ANKRD17: variants seen among roughly 807,000 people sequenced by gnomAD.
The protein encoded by ANKRD17 is ankyrin repeat domain 17.
ANKRD17 carries 19 observed loss-of-function variants against 229.7 expected under a neutral mutation model. The observed-to-expected ratio is 0.08, with a 90% CI of 0.06 to 0.12. ANKRD17 has a LOEUF of 0.12. Ranked by LOEUF, ANKRD17 falls within the 10% of genes least tolerant of loss-of-function variation. The pLI, the probability that ANKRD17 is intolerant of heterozygous loss-of-function variation, is 1.00. For synonymous variants in ANKRD17, 1,112 were observed against 1,146.1 expected, an observed-to-expected ratio of 0.97 and a Z score of 0.60; for missense variants, 2,176 against 3,176.8, an observed-to-expected ratio of 0.68 and a Z score of 7.57.
intron 14 of ANKRD17, among the ~76,000 whole-genome samples, chr4:73,141,194 T>C (rs780605919): frequency 4.6e-5 from 7 of 152,312 alleles, no homozygotes; most frequent in Non-Finnish European, 5.9e-5. Context: ...TATAAAATGT[T>C]TGGGGACATT....
At chr4:73,243,420 G>A (rs1185785374) in intron 1 of ANKRD17, among the ~76,000 whole-genome samples, 2 of 152,106 alleles carry the variant, frequency 1.3e-5, no homozygotes, top group Non-Finnish European at 2.9e-5. Context: ...AGGAGAGAAG[G>A]AGAAAAATTC....
intron 25 of ANKRD17, among the ~76,000 whole-genome samples, chr4:73,099,367 C>T (rs1723684589): frequency 1.3e-5 from 2 of 152,156 alleles, no homozygotes; most frequent in Non-Finnish European, 2.9e-5. Flanking sequence ...TTTCCCCTGG[C>T]CTCAGTTCCC....
chr4:73,225,513 C>G (rs1424531510), intron 1 of ANKRD17, among the ~76,000 whole-genome samples: 1 of 152,242 alleles, frequency 6.6e-6, no homozygotes, highest in Middle Eastern at 3.4e-3. Context: ...CATTTATTAT[C>G]TGTCTCCCTT....
At chr4:73,219,389 T>C (rs1050214738) in intron 1 of ANKRD17, among the ~76,000 whole-genome samples, 6 of 152,182 alleles carry the variant, frequency 3.9e-5, no homozygotes, top group African/African-American at 1.4e-4. Context: ...TTTGATATCA[T>C]TACCAAAAAT....
intron 1 of ANKRD17, among the ~76,000 whole-genome samples, chr4:73,212,488 T>C (rs1397275822): frequency 6.6e-6 from 1 of 152,166 alleles, no homozygotes; most frequent in Non-Finnish European, 1.5e-5. Context: ...TCTGGTTGTC[T>C]AATGAAAGTT....
chr4:73,141,001 T>C (rs1056406121), intron 14 of ANKRD17, among the ~76,000 whole-genome samples: 1 of 152,156 alleles, frequency 6.6e-6, no homozygotes, highest in Non-Finnish European at 1.5e-5. Flanking sequence ...ATCAATTGTT[T>C]GCTATACCAA....
At chr4:73,156,590 T>C (rs924511809) in intron 3 of ANKRD17, among the ~76,000 whole-genome samples, 14 of 152,112 alleles carry the variant, frequency 9.2e-5, no homozygotes, top group African/African-American at 3.1e-4. Flanking sequence ...GTTCTCATGA[T>C]ATCTGTTTGT....
chr4:73,250,549 G>T, intron 1 of ANKRD17, among the ~76,000 whole-genome samples: 1 of 116,946 alleles, frequency 8.6e-6, no homozygotes, highest in Non-Finnish European at 1.6e-5. Flanking sequence ...GCAGTGAGCC[G>T]AGAGCACGCC....
intron 24 of ANKRD17, among the ~76,000 whole-genome samples, chr4:73,103,183 A>G (rs1359516975): frequency 6.6e-6 from 1 of 151,992 alleles, no homozygotes; most frequent in Non-Finnish European, 1.5e-5. Flanking sequence ...GTACTTGGGA[A>G]AATGCTCCCA....
At chr4:73,176,394 TC>T (rs749037907) in intron 2 of ANKRD17, among the ~76,000 whole-genome samples, 119 of 151,940 alleles carry the variant, frequency 7.8e-4, no homozygotes, top group Non-Finnish European at 1.4e-3. Flanking sequence ...AGTTTGGAAG[TC>T]CCTCCCAAAA....
At chr4:73,179,644 C>T (rs1735283124) in intron 1 of ANKRD17, among the ~76,000 whole-genome samples, 1 of 150,504 alleles carries the variant, frequency 6.6e-6, no homozygotes, top group Admixed American at 6.6e-5. Flanking sequence ...CAGGCACACA[C>T]CACGCCTGGC....
chr4:73,161,575 G>A (rs558164519), intron 2 of ANKRD17, among the ~76,000 whole-genome samples: 16 of 152,254 alleles, frequency 1.1e-4, no homozygotes, highest in Admixed American at 2.0e-4. Flanking sequence ...TGACCCTCTG[G>A]TGCCAGAAAC....
intron 2 of ANKRD17, among the ~76,000 whole-genome samples, chr4:73,165,306 C>T (rs1733085368): frequency 1.3e-5 from 2 of 152,094 alleles, no homozygotes; most frequent in African/African-American, 4.8e-5. Flanking sequence ...GTTTTCATTG[C>T]CAAACTAAAC....
At chr4:73,120,728 TTGAC>T (rs976138662) in intron 20 of ANKRD17, among the ~76,000 whole-genome samples, 149 bp downstream of exon 20, 2 of 152,088 alleles carry the variant, frequency 1.3e-5, no homozygotes, top group African/African-American at 2.4e-5. Context: ...GAGTTAATGT[TTGAC>T]TGAGTTATAC....
chr4:73,234,950 C>T lies in ANKRD17; in HGVS notation c.393+23326G>A, dbSNP rs75344080. 4.7e-4 allele frequency among the ~76,000 whole-genome samples: 71 copies of T among 152,244 alleles called. 2 individuals are homozygous for T. The East Asian group carries it at 0.011, about 24-fold the overall frequency. ...TGTTGACTCCAAGTTTGGAGCCATT[C>T]CAAGGTTTCCCTGGGAAAACCTGAG... On this transcript the variant is annotated intron_variant, in intron 1 of 33. Transcript: ENST00000358602.
At position 73,146,883 on chromosome 4, in the gene ANKRD17, T is replaced by G. The variant is rs1335900301; in HGVS notation, c.1760-10A>C. 2 of 1,595,338 alleles carry G rather than the reference T, an allele frequency of 1.3e-6. No individual in the cohort carries two copies. The highest frequency in any genetic ancestry group is 3.4e-5 in the Admixed American group (2 of 59,424). On this transcript the variant is annotated splice_polypyrimidine_tract_variant and intron_variant, in intron 9 of 33. Coordinates refer to ENST00000358602, the MANE Select transcript of ANKRD17 (RefSeq NM_032217.5). ...GCATGAACGTTAGCTCCTGTAGTAG[T>G]CAACAAATAATACATAGACTTAATA...
chr4:73,233,709 T>C (rs1054433401), intron 1 of ANKRD17, among the ~76,000 whole-genome samples: 2 of 152,170 alleles, frequency 1.3e-5, no homozygotes, highest in African/African-American at 4.8e-5. Flanking sequence ...GTGCATCGTT[T>C]TTTCCCAGTA....
chr4:73,191,337 A>ATGTG (rs1349894740), intron 1 of ANKRD17, among the ~76,000 whole-genome samples: 102 of 61,940 alleles, frequency 1.6e-3, no homozygotes, highest in African/African-American at 6.8e-3. Context: ...ACCAAAAAAT[A>ATGTG]TATATGTGTG....
intron 1 of ANKRD17, among the ~76,000 whole-genome samples, chr4:73,183,148 T>C (rs1424025264): frequency 6.6e-6 from 1 of 152,208 alleles, no homozygotes; most frequent in African/African-American, 2.4e-5. Context: ...AGAACTGTTC[T>C]GAATTACAGA....
Sources: gnomAD v4.1 joint callset for allele counts (sites outside exome capture counted in the v4.1 genomes callset) on GRCh38, gnomAD v4.1.1 for gene constraint, MANE v1.5 for transcripts, NCBI Gene and HGNC (gene_info 2026-07-23, HGNC 2026-07-21) for gene names.